GNG7: variants seen among roughly 807,000 people sequenced by gnomAD.
GNG7 encodes G protein subunit gamma 7, also known as guanine nucleotide-binding protein G(I)/G(S)/G(O) subunit gamma-7.
A neutral mutation model predicts 4.0 loss-of-function variants in GNG7; 1 was observed. That is an observed-to-expected ratio of 0.25 (90% CI 0.09 to 1.18). The LOEUF is 1.18. GNG7 is among the 50% of genes most tolerant of loss of function. The pLI is 0.50. For synonymous variants in GNG7, 34 were observed against 36.9 expected, an observed-to-expected ratio of 0.92 and a Z score of 0.29; for missense variants, 86 against 91.9, an observed-to-expected ratio of 0.94 and a Z score of 0.26.
intron 1 of GNG7, among the ~76,000 whole-genome samples, chr19:2,688,540 A>C (rs1913057366): frequency 6.6e-6 from 1 of 152,144 alleles, no homozygotes; most frequent in African/African-American, 2.4e-5. Context: ...TCACGAGAGA[A>C]ATATCTGACA....
intron 1 of GNG7, among the ~76,000 whole-genome samples, chr19:2,649,871 C>A (rs567544900): frequency 6.6e-6 from 1 of 151,576 alleles, no homozygotes; most frequent in Non-Finnish European, 1.5e-5. Flanking sequence ...AGCCCCCGAT[C>A]CCCAGCCCCG....
chr19:2,587,005 AAAAAG>A (rs1318981611), intron 2 of GNG7, among the ~76,000 whole-genome samples: 2 of 150,998 alleles, frequency 1.3e-5, no homozygotes, highest in African/African-American at 2.4e-5. Context: ...AAAAAAAAAA[AAAAAG>A]AATGTCACCT....
rs1214140128 is a variant in GNG7, at chr19:2,653,707, T to C, written c.-134-7427A>G. On this transcript the variant is annotated intron_variant, in intron 1 of 4. Coordinates refer to ENST00000382159, the MANE Select transcript of GNG7 (RefSeq NM_052847.3). This position sits in a 1 kb window ranked among gnomAD's most constrained non-coding sequence, Gnocchi z 4.8. ...GCCAGGGGCATCCCCCATCTAGAGCTGTTCCGTTGCCTTGAATTTCTGCCC... is the reference window on the plus strand; with the variant it reads ...GCCAGGGGCATCCCCCATCTAGAGCCGTTCCGTTGCCTTGAATTTCTGCCC... Among the ~76,000 whole-genome samples the C allele has an allele frequency of 6.6e-6, 1 of 152,062 alleles. No homozygotes were observed. Among genetic ancestry groups the C allele is most frequent in the African/African-American group, 2.4e-5 (1 of 41,398 alleles).
At chr19:2,690,070 G>C (rs912565148) in intron 1 of GNG7, among the ~76,000 whole-genome samples, 4 of 151,876 alleles carry the variant, frequency 2.6e-5, no homozygotes, top group Non-Finnish European at 5.9e-5. Context: ...GGCTTCCTTT[G>C]ACTTTTTTTT....
rs1482582940 is a variant in GNG7 at position 2,557,344 on chromosome 19, T to C, written c.-77-2156A>G. On this transcript the variant is annotated intron_variant, in intron 2 of 4. Coordinates refer to ENST00000382159, the MANE Select transcript of GNG7 (RefSeq NM_052847.3). The surrounding 1 kb of genome is among the most constrained non-coding windows in gnomAD (Gnocchi z 5.1). The stretch of plus-strand genomic sequence containing the variant: ...ACATGTGCACACAGACACACACATG[T>C]GCACACACACAGACACACACACACG... Among the ~76,000 whole-genome samples the C allele has an allele frequency of 6.7e-6, 1 of 149,544 alleles. No individual in the cohort carries two copies. Among genetic ancestry groups the C allele is most frequent in the African/African-American group, 2.5e-5 (1 of 40,514 alleles).
intron 2 of GNG7, among the ~76,000 whole-genome samples, chr19:2,608,476 C>T (rs975956886): frequency 6.6e-6 from 1 of 152,156 alleles, no homozygotes; most frequent in Non-Finnish European, 1.5e-5. Context: ...CCCCAAATGA[C>T]GCAGGTCAGT....
At chr19:2,554,744 G>A (rs377489983) in intron 3 of GNG7, among the ~76,000 whole-genome samples, 9 of 151,722 alleles carry the variant, frequency 5.9e-5, no homozygotes, top group African/African-American at 1.9e-4. Context: ...TGGTAGAGAC[G>A]GGGTTTCGCT....
intron 2 of GNG7, among the ~76,000 whole-genome samples, chr19:2,572,422 G>A (rs968079871): frequency 1.3e-5 from 2 of 151,920 alleles, no homozygotes; most frequent in African/African-American, 4.8e-5. Flanking sequence ...ACACTACGTA[G>A]TTCCAACACT....
At chr19:2,577,031 C>A (rs1286613070) in intron 2 of GNG7, among the ~76,000 whole-genome samples, 1 of 152,220 alleles carries the variant, frequency 6.6e-6, no homozygotes, top group Non-Finnish European at 1.5e-5. Context: ...CCAGGGCTGT[C>A]CCGTGTGCAA....
chr19:2,544,610 C>G (rs924569375), intron 3 of GNG7, among the ~76,000 whole-genome samples: 6 of 152,196 alleles, frequency 3.9e-5, no homozygotes, highest in Non-Finnish European at 1.5e-5. Flanking sequence ...AGGTTGGTCT[C>G]AAACTCCTGA....
Position 2,601,094 on chromosome 19 carries a change from C to T in GNG7, c.-78+45130G>A, listed in dbSNP as rs774537950. ...AGGCTGCAGTGAGCTAGGATCACGCCACTACACTCCAGCCTGGGTGACAAG... is the reference window on the plus strand; with the variant it reads ...AGGCTGCAGTGAGCTAGGATCACGCTACTACACTCCAGCCTGGGTGACAAG... On this transcript the variant is annotated intron_variant, in intron 2 of 4. Transcript: ENST00000382159. 2.9e-4 allele frequency among the ~76,000 whole-genome samples: 44 copies of T among 151,984 alleles called. 1 individual carries two copies. Among genetic ancestry groups the T allele is most frequent in the Admixed American group, 1.9e-3 (29 of 15,254 alleles).
At chr19:2,598,830 A>G (rs1422705349) in intron 2 of GNG7, among the ~76,000 whole-genome samples, 2 of 152,042 alleles carry the variant, frequency 1.3e-5, no homozygotes, top group Non-Finnish European at 2.9e-5. Flanking sequence ...ATGTCTCAAA[A>G]GAAGGTGATC....
intron 3 of GNG7, among the ~76,000 whole-genome samples, chr19:2,524,055 T>C (rs892917769): frequency 3.9e-5 from 6 of 152,164 alleles, no homozygotes; most frequent in Non-Finnish European, 8.8e-5. Flanking sequence ...AATTACTCAG[T>C]GCTAAAAATA....
chr19:2,561,421 TC>T (rs1465916937), intron 2 of GNG7, among the ~76,000 whole-genome samples: 1 of 151,996 alleles, frequency 6.6e-6, no homozygotes, highest in Non-Finnish European at 1.5e-5. Context: ...TTAGGTCCTG[TC>T]ACAGTTTTGG....
At chr19:2,642,761 T>C (rs1200596747) in intron 2 of GNG7, 1 of 456,366 alleles carries the variant, frequency 2.2e-6, no homozygotes, top group Non-Finnish European at 4.4e-6. Context: ...CTCAAAGTGC[T>C]GGGATTACAG....
intron 3 of GNG7, among the ~76,000 whole-genome samples, chr19:2,551,904 C>G (rs761870229): frequency 6.6e-6 from 1 of 152,014 alleles, no homozygotes; most frequent in African/African-American, 2.4e-5. Flanking sequence ...AGTCTGGTCT[C>G]GAGCTTCTGA....
chr19:2,679,985 C>T (rs1983690034), intron 1 of GNG7, among the ~76,000 whole-genome samples: 1 of 151,974 alleles, frequency 6.6e-6, no homozygotes, highest in South Asian at 2.1e-4. Flanking sequence ...GATGAGAAAC[C>T]CACAGGGAGA....
chr19:2,538,075 T>TCAAA (rs1178967576), intron 3 of GNG7: 1 of 286,524 alleles, frequency 3.5e-6, no homozygotes, highest in Non-Finnish European at 6.5e-6. Context: ...AGACTCTCTC[T>TCAAA]CAAACAAAAC....
At chr19:2,577,955 A>G (rs1483709372) in intron 2 of GNG7, among the ~76,000 whole-genome samples, 1 of 150,284 alleles carries the variant, frequency 6.7e-6, no homozygotes, top group African/African-American at 2.5e-5. Context: ...CTCCCACCTC[A>G]GCCCCTCGAG....
Sources: allele counts gnomAD v4.1 joint callset (sites outside exome capture counted in the v4.1 genomes callset), GRCh38; gene constraint gnomAD v4.1.1; non-coding constraint Gnocchi (gnomAD v3.1); transcripts MANE v1.5; gene names NCBI Gene and HGNC (gene_info 2026-07-23, HGNC 2026-07-21).